Variants in KCNC4 observed in about 807,000 individuals in gnomAD.
The protein encoded by KCNC4 is potassium voltage-gated channel subfamily C member 4, also known as voltage-gated potassium channel KCNC4.
A neutral mutation model predicts 42.8 loss-of-function variants in KCNC4; 23 were observed. That is an observed-to-expected ratio of 0.54 (90% CI 0.39 to 0.76). KCNC4 has a LOEUF of 0.76. Among genes scored for constraint, KCNC4 ranks in the 30% least tolerant of loss-of-function variants. The probability of loss-of-function intolerance (pLI) is 0.00; values close to 1 mark genes in which losing one functional copy is unlikely to be tolerated. For synonymous variants in KCNC4, 422 were observed against 393.5 expected (o/e 1.07, Z -0.86); for missense variants, 751 against 898.2 (o/e 0.84, Z 2.10).
intron 1 of KCNC4, chr1:110,219,670 C>G (rs1163196728): frequency 6.6e-6 from 1 of 152,178 alleles, no homozygotes; most frequent in Admixed American, 6.5e-5. Flanking sequence ...GCTGCAACCA[C>G]CTCTTCTTCC....
exon 4 of KCNC4, chr1:110,248,933 C>T (rs1351216751): frequency 2.0e-5 from 3 of 152,200 alleles, no homozygotes; most frequent in South Asian, 2.1e-4. Flanking sequence ...AAAGATGAGA[C>T]GTTTTCAGGA....
At chr1:110,226,333 C>T in intron 3 of KCNC4, 155 bp downstream of exon 3, 2 of 667,036 alleles carry the variant, frequency 3.0e-6, no homozygotes, top group South Asian at 1.6e-5. Flanking sequence ...GGTACCTGAT[C>T]TCCCAGTCCC....
chr1:110,258,180 T>C (rs1283007629), intron 1 of KCNC4, among the ~76,000 whole-genome samples: 1 of 152,228 alleles, frequency 6.6e-6, no homozygotes, highest in Non-Finnish European at 1.5e-5. Context: ...ATACTATTCA[T>C]ATATCTAGAA....
intron 1 of KCNC4, among the ~76,000 whole-genome samples, chr1:110,214,821 C>G (rs1032108741): frequency 3.3e-5 from 5 of 152,194 alleles, no homozygotes; most frequent in African/African-American, 1.2e-4. Context: ...CATCAGAAAA[C>G]CCAGGGGCAG....
At chr1:110,232,389 G>A (rs1658740474) in intron 3 of KCNC4, 1 of 1,549,110 alleles carries the variant, frequency 6.5e-7, no homozygotes, top group Non-Finnish European at 8.7e-7. Context: ...ATATCCCAGG[G>A]TGGTGACAGC....
chr1:110,281,679 C>A (rs1298903153), intron 1 of KCNC4, among the ~76,000 whole-genome samples: 1 of 151,982 alleles, frequency 6.6e-6, no homozygotes, highest in Non-Finnish European at 1.5e-5. Flanking sequence ...CTTGTCTAGG[C>A]CTCAGTTTGC....
downstream of KCNC4, among the ~76,000 whole-genome samples, chr1:110,251,209 C>T (rs1428681940): frequency 2.0e-5 from 3 of 152,188 alleles, no homozygotes; most frequent in Admixed American, 6.5e-5. Context: ...CTTCAAGCTC[C>T]ACAGGCCACG....
chr1:110,244,099 T>C (rs530659655), exon 4 of KCNC4: 1 of 152,348 alleles, frequency 6.6e-6, no homozygotes, highest in East Asian at 1.9e-4. Context: ...TGGGTTCTTA[T>C]TCTAACTGTG....
At chr1:110,232,148 A>G in intron 3 of KCNC4, 1 of 1,465,892 alleles carries the variant, frequency 6.8e-7, no homozygotes, top group Non-Finnish European at 9.4e-7. Flanking sequence ...TGAGGGTGGG[A>G]TCCCAAAAGG....
intron 1 of KCNC4, among the ~76,000 whole-genome samples, chr1:110,213,163 C>T (rs968114571): frequency 1.3e-5 from 1 of 76,566 alleles, no homozygotes; most frequent in Non-Finnish European, 2.4e-5. Flanking sequence ...CATTATGCTT[C>T]GACAGCTAAA....
chr1:110,271,741 T>C (rs956958157), intron 1 of KCNC4, among the ~76,000 whole-genome samples: 22 of 151,666 alleles, frequency 1.5e-4, no homozygotes, highest in African/African-American at 5.1e-4. Context: ...GGGCTGTTTC[T>C]ATTGCAGGGT....
At chr1:110,215,093 C>T (rs1433093647) in intron 1 of KCNC4, among the ~76,000 whole-genome samples, 1 of 152,268 alleles carries the variant, frequency 6.6e-6, no homozygotes, top group Non-Finnish European at 1.5e-5. Flanking sequence ...CCTGAGGCGT[C>T]CTTTCGCACA....
intron 1 of KCNC4, among the ~76,000 whole-genome samples, chr1:110,212,546 G>A (rs1657543883): frequency 6.6e-6 from 1 of 152,156 alleles, no homozygotes; most frequent in Non-Finnish European, 1.5e-5. Flanking sequence ...TACGGTCCTG[G>A]AAGAGCTGGA....
intron 1 of KCNC4, among the ~76,000 whole-genome samples, chr1:110,274,754 A>G (rs1397983525): frequency 1.3e-5 from 2 of 152,196 alleles, no homozygotes; most frequent in Non-Finnish European, 2.9e-5. Flanking sequence ...ACAAAAATAT[A>G]CACGAGGGAA....
chr1:110,232,835 C>A, intron 3 of KCNC4, 76 bp from the exon 4 acceptor site: 8 of 1,554,988 alleles, frequency 5.1e-6, no homozygotes, highest in Non-Finnish European at 7.0e-6. Flanking sequence ...AACTCCCTGT[C>A]CCCCCAACCC....
rs755468424 is a variant in KCNC4 at position 110,223,308 on chromosome 1, C to T, written c.1023C>T (p.Asp341=). Residue 341 remains aspartate, a synonymous_variant, in exon 2 of 4, where the codon GAC becomes GAT. Coordinates refer to ENST00000438661, the MANE Select transcript of KCNC4 (RefSeq NM_001039574.3). This position sits in a 1 kb window ranked among gnomAD's most constrained non-coding sequence, Gnocchi z 7.5. ...LSGLSSKAAR[D]VLGFLRVVRF... The stretch of plus-strand genomic sequence containing the variant: ...GCCTGTCATCCAAGGCGGCCCGCGA[C>T]GTGCTGGGCTTCCTGCGCGTGGTGC... 6.8e-6 allele frequency: 11 copies of T among 1,614,026 alleles called. No homozygotes were observed. The Admixed American group carries it at 8.3e-5, about 12-fold the overall frequency.
chr1:110,226,323 G>A, intron 3 of KCNC4, 145 bp downstream of exon 3: 1 of 689,370 alleles, frequency 1.5e-6, no homozygotes, highest in Non-Finnish European at 2.6e-6. Flanking sequence ...TTTTAGAATG[G>A]GTACCTGATC....
intron 1 of KCNC4, among the ~76,000 whole-genome samples, chr1:110,279,485 C>A (rs1339361670): frequency 6.6e-6 from 1 of 152,312 alleles, no homozygotes; most frequent in African/African-American, 2.4e-5. Context: ...CCCATGTGGT[C>A]TCCCTGAGAT....
At chr1:110,245,578 T>G (rs768856879) in exon 4 of KCNC4, 3 of 152,148 alleles carry the variant, frequency 2.0e-5, no homozygotes, top group Non-Finnish European at 4.4e-5. Flanking sequence ...GACCCTAAAG[T>G]CCACTCTCTT....
Sources: gnomAD v4.1 joint callset for allele counts (sites outside exome capture counted in the v4.1 genomes callset) on GRCh38, gnomAD v4.1.1 for gene constraint, Gnocchi (gnomAD v3.1) non-coding constraint, MANE v1.5 for transcripts, NCBI Gene and HGNC (gene_info 2026-07-23, HGNC 2026-07-21) for gene names.